The following C12orf56 variants were observed in gnomAD, a reference collection of about 807,000 sequenced individuals.
C12orf56 encodes uncharacterized protein C12orf56.
C12orf56 carries 71 observed loss-of-function variants against 69.9 expected under a neutral mutation model. The observed-to-expected ratio is 1.02, with a 90% CI of 0.84 to 1.24. The LOEUF (loss-of-function observed/expected upper bound fraction) is 1.24, where lower values mean the gene tolerates loss of function less well. Among genes scored for constraint, C12orf56 ranks in the 50% most tolerant of loss-of-function variants. The pLI, the probability that C12orf56 is intolerant of heterozygous loss-of-function variation, is 0.00. For missense variants in C12orf56, 732 were observed against 738.5 expected, an observed-to-expected ratio of 0.99 and a Z score of 0.10; for synonymous variants, 276 against 274.1, an observed-to-expected ratio of 1.01 and a Z score of -0.07.
At chr12:64,361,113 G>A (rs2039394542) in intron 1 of C12orf56, among the ~76,000 whole-genome samples, 1 of 152,138 alleles carries the variant, frequency 6.6e-6, no homozygotes, top group African/African-American at 2.4e-5. Context: ...CATCTACTCA[G>A]GAGGCTGAGG....
At chr12:64,380,124 A>AC (rs1489855033) in intron 1 of C12orf56, among the ~76,000 whole-genome samples, 41 of 90,276 alleles carry the variant, frequency 4.5e-4, no homozygotes, top group Non-Finnish European at 6.5e-4. Flanking sequence ...AAAAAAAAAA[A>AC]AAAAAAAAAA....
chr12:64,385,860 T>C (rs1207113142), intron 1 of C12orf56, among the ~76,000 whole-genome samples: 3 of 152,162 alleles, frequency 2.0e-5, no homozygotes. Context: ...CCTGTCTTGA[T>C]AAACTGGCTC....
chr12:64,270,788 A>G (rs140819146), intron 11 of C12orf56, 74 bp from the exon 12 acceptor site: 2 of 1,308,188 alleles, frequency 1.5e-6, no homozygotes, highest in African/African-American at 1.5e-5. Context: ...TGGAGCTTCA[A>G]CTACAAATCT....
At position 64,349,410 on chromosome 12, in the gene C12orf56, G is replaced by C. The variant is rs183982915; in HGVS notation, c.415+3484C>G. Among the ~76,000 whole-genome samples, 783 of 152,260 alleles carry C rather than the reference G, an allele frequency of 5.1e-3. 1 individual carries two copies. Among genetic ancestry groups the C allele is most frequent in the Non-Finnish European group, 9.2e-3 (627 of 68,018 alleles). On this transcript the variant is annotated intron_variant, in intron 2 of 12. Transcript: ENST00000543942. ...GATCAGGGAACACTTTTACACTGCT[G>C]GTGGGAATGTAAACTTGTACAGCAA...
chr12:64,333,741 A>G (rs549640052), intron 2 of C12orf56, among the ~76,000 whole-genome samples: 4 of 152,332 alleles, frequency 2.6e-5, no homozygotes, highest in South Asian at 4.1e-4. Context: ...ATCTCAAGTG[A>G]TCCGCCCACC....
At chr12:64,377,897 A>G (rs1226792693) in intron 1 of C12orf56, among the ~76,000 whole-genome samples, 1 of 152,234 alleles carries the variant, frequency 6.6e-6, no homozygotes, top group East Asian at 1.9e-4. Flanking sequence ...AAGGAGCTGT[A>G]GCCTAGAGAT....
intron 2 of C12orf56, among the ~76,000 whole-genome samples, chr12:64,334,380 C>G (rs1200539607): frequency 2.0e-5 from 3 of 152,094 alleles, no homozygotes; most frequent in African/African-American, 7.2e-5. Context: ...CCCTTAGTAT[C>G]CATGGAAAAT....
intron 6 of C12orf56, among the ~76,000 whole-genome samples, chr12:64,286,626 T>G (rs1236670092): frequency 1.3e-5 from 2 of 152,214 alleles, no homozygotes; most frequent in African/African-American, 4.8e-5. Flanking sequence ...CATTTTTTAG[T>G]GTTCCTGTCC....
At chr12:64,328,398 T>C (rs2038871561) in intron 3 of C12orf56, among the ~76,000 whole-genome samples, 2 of 151,948 alleles carry the variant, frequency 1.3e-5, no homozygotes, top group African/African-American at 2.4e-5. Flanking sequence ...TATCACACTT[T>C]GGCCAGGCAC....
intron 2 of C12orf56, among the ~76,000 whole-genome samples, 166 bp downstream of exon 2, chr12:64,352,728 G>T (rs894182283): frequency 1.3e-5 from 2 of 152,104 alleles, no homozygotes; most frequent in African/African-American, 4.8e-5. Context: ...AAATCCCACT[G>T]TCCGCATCTT....
chr12:64,344,098 C>T lies in C12orf56; in HGVS notation c.415+8796G>A, dbSNP rs191639467. 2.0e-5 allele frequency among the ~76,000 whole-genome samples: 3 copies of T among 152,306 alleles called. No homozygotes were observed. The East Asian group carries it at 5.8e-4, about 29-fold the overall frequency. On this transcript the variant is annotated intron_variant, in intron 2 of 12. Coordinates refer to ENST00000543942, the MANE Select transcript of C12orf56 (RefSeq NM_001170633.2). ...GGGTCCCCTGGAATCAATGTCAGCTCAGAGCCATTGTCCAGTAGTCCCCTA... is the reference window on the plus strand; with the variant it reads ...GGGTCCCCTGGAATCAATGTCAGCTTAGAGCCATTGTCCAGTAGTCCCCTA...
Position 64,303,652 on chromosome 12 carries a change from T to A in C12orf56, c.1096A>T (p.Lys366Ter). 6.4e-7 allele frequency: 1 copy of A among 1,558,452 alleles called. No individual in the cohort carries two copies. Among genetic ancestry groups the A allele is most frequent in the Non-Finnish European group, 8.7e-7 (1 of 1,154,534 alleles). The change falls in exon 6 of 13, where the codon AAA (lysine) becomes TAA (stop). Residue 366 changes from lysine (K) to a stop codon, truncating the protein, a stop_gained. Coordinates refer to ENST00000543942, the MANE Select transcript of C12orf56 (RefSeq NM_001170633.2). LOFTEE classifies it high-confidence loss of function. Reference protein sequence around the residue: ...KVAAQKNFILKRLFWKTSDLF... With the variant: ...KVAAQKNFIL ...ACACTTACCTTCCAGAAAAGCCTTT[T>A]CAGAATGAAGTTTTTCTGGGCTGCT... is the stretch of plus-strand genomic sequence containing the variant.
chr12:64,385,415 G>A (rs2135989764), intron 1 of C12orf56, among the ~76,000 whole-genome samples: 1 of 152,182 alleles, frequency 6.6e-6, no homozygotes, highest in Non-Finnish European at 1.5e-5. Context: ...TATTTGTAAG[G>A]GCTTTTTTTC....
intron 12 of C12orf56, chr12:64,267,807 A>C (rs920205306): frequency 1.3e-5 from 2 of 152,300 alleles, no homozygotes; most frequent in African/African-American, 4.8e-5. Context: ...TATCTTTAAA[A>C]TCTCACAGCC....
chr12:64,318,685 G>C lies in C12orf56; in HGVS notation c.784C>G (p.Gln262Glu). 6 of 1,537,146 alleles carry C rather than the reference G, an allele frequency of 3.9e-6. No individual in the cohort carries two copies. Among genetic ancestry groups the C allele is most frequent in the Non-Finnish European group, 5.2e-6 (6 of 1,146,822 alleles). The change falls in exon 4 of 13, where the codon CAG becomes GAG. Residue 262 changes from glutamine to glutamate, a missense_variant. Transcript: ENST00000543942. ...LGNSLLDSPS[Q>E]SNSNLEKKES... ...TTTTTCTCTAAATTTGAGTTGCTCT[G>C]TGAAGGGGAATCTAAGAGGGAATTT...
At chr12:64,310,299 A>T (rs1266895063) in intron 5 of C12orf56, among the ~76,000 whole-genome samples, 1 of 151,954 alleles carries the variant, frequency 6.6e-6, no homozygotes, top group Non-Finnish European at 1.5e-5. Flanking sequence ...GAGCCACCAT[A>T]CCTGGCCCCA....
At chr12:64,384,363 G>T (rs1167024061) in intron 1 of C12orf56, among the ~76,000 whole-genome samples, 1 of 152,060 alleles carries the variant, frequency 6.6e-6, no homozygotes, top group Admixed American at 6.6e-5. Flanking sequence ...CTACTGTTTT[G>T]AACTATTATG....
chr12:64,355,998 A>G (rs1404268145), intron 1 of C12orf56: 1 of 152,198 alleles, frequency 6.6e-6, no homozygotes, highest in African/African-American at 2.4e-5. Flanking sequence ...CCCCATCTCC[A>G]CTAAAGATAC....
intron 12 of C12orf56, among the ~76,000 whole-genome samples, chr12:64,268,182 C>A (rs778285765): frequency 6.6e-6 from 1 of 152,080 alleles, no homozygotes; most frequent in Non-Finnish European, 1.5e-5. Context: ...AAACAAGAAT[C>A]CACACCTAAA....
Sources: gnomAD v4.1 joint callset for allele counts (sites outside exome capture counted in the v4.1 genomes callset) on GRCh38, gnomAD v4.1.1 for gene constraint, MANE v1.5 for transcripts, NCBI Gene and HGNC (gene_info 2026-07-23, HGNC 2026-07-21) for gene names.